FAAH2: variants seen among roughly 807,000 people sequenced by gnomAD.
FAAH2 encodes the protein fatty acid amide hydrolase 2, also known as fatty-acid amide hydrolase 2.
Under a neutral mutation model 36.9 loss-of-function variants are expected in FAAH2, and 60 were observed. The ratio of observed to expected loss-of-function variants is 1.63; its 90% CI spans 1.32 to 2.02. The LOEUF is 2.02. Among genes scored for constraint, FAAH2 ranks in the 30% most tolerant of loss-of-function variants. The pLI is 0.00. For missense variants in FAAH2, 689 were observed against 397.5 expected, an observed-to-expected ratio of 1.73 and a Z score of -6.23; for synonymous variants, 214 against 143.8, an observed-to-expected ratio of 1.49 and a Z score of -3.49.
chrX:57,185,537 T>C, the FAAH2 span, among the ~76,000 whole-genome samples: 10 of 109,045 alleles, frequency 9.2e-5, no homozygotes, highest in Non-Finnish European at 1.9e-5. Context: ...CGTGTGTGCG[T>C]GTATGTGTGT....
intron 1 of FAAH2, 127 bp downstream of exon 1, chrX:57,287,144 T>G (rs1448845158): frequency 1.4e-6 from 1 of 692,961 alleles, no homozygotes; most frequent in African/African-American, 2.3e-5. Flanking sequence ...AGGCATTTAT[T>G]GGGGATGAAG....
rs151081387 is a variant in FAAH2 at position 57,376,383 on chromosome X, C to T, written c.743-2268C>T. Among the ~76,000 whole-genome samples, 952 of 111,242 alleles carry T rather than the reference C, an allele frequency of 8.6e-3. 8 individuals are homozygous for T. The highest frequency in any genetic ancestry group is 0.019 in the Middle Eastern group (4 of 214). On this transcript the variant is annotated intron_variant, in intron 5 of 10. Transcript: ENST00000374900. ...TATTTCTCCTAATGCTATCCCTCCC[C>T]TAGCCCTTCACCCTCTGACAGGCCC...
the FAAH2 span, among the ~76,000 whole-genome samples, chrX:57,152,491 C>G: frequency 1.8e-5 from 2 of 112,508 alleles, no homozygotes; most frequent in Non-Finnish European, 3.8e-5. Context: ...CCCCCAGCCT[C>G]GCTGCTGCCT....
chrX:57,207,609 C>T, the FAAH2 span, among the ~76,000 whole-genome samples: 1 of 112,400 alleles, frequency 8.9e-6, no homozygotes, highest in Non-Finnish European at 1.9e-5. Context: ...AGGAGTTGTG[C>T]TATATGCTCT....
At chrX:57,348,895 C>T in intron 5 of FAAH2, among the ~76,000 whole-genome samples, 1 of 105,987 alleles carries the variant, frequency 9.4e-6, no homozygotes, top group Middle Eastern at 4.9e-3. Flanking sequence ...ATATGACACC[C>T]CTAAAGGAAC....
At chrX:57,272,632 C>T in the FAAH2 span, among the ~76,000 whole-genome samples, 7 of 111,817 alleles carry the variant, frequency 6.3e-5, no homozygotes, top group Non-Finnish European at 9.4e-5. Context: ...ATTTTCAAAC[C>T]AGAATTTCAT....
chrX:57,227,071 TG>T, the FAAH2 span, among the ~76,000 whole-genome samples: 1 of 111,763 alleles, frequency 8.9e-6, no homozygotes, highest in Non-Finnish European at 1.9e-5. Flanking sequence ...TATTATTTTT[TG>T]GACTTACTTG....
chrX:57,193,780 A>G, the FAAH2 span, among the ~76,000 whole-genome samples: 2 of 112,084 alleles, frequency 1.8e-5, no homozygotes, highest in East Asian at 5.6e-4. Context: ...ATCAATTGAA[A>G]CAGACATAGT....
intron 10 of FAAH2, among the ~76,000 whole-genome samples, chrX:57,454,910 G>A (rs1444866015): frequency 9.0e-6 from 1 of 111,169 alleles, no homozygotes; most frequent in African/African-American, 3.3e-5. Flanking sequence ...TTCCCCAAAC[G>A]TCCCAGGGAG....
At chrX:57,299,132 C>T (rs2052246008) in intron 2 of FAAH2, among the ~76,000 whole-genome samples, 1 of 111,377 alleles carries the variant, frequency 9.0e-6, no homozygotes, top group African/African-American at 3.3e-5. Context: ...GCTACCAAAG[C>T]CTGACAGAGA....
chrX:57,268,727 A>G, the FAAH2 span, among the ~76,000 whole-genome samples: 1 of 111,667 alleles, frequency 9.0e-6, no homozygotes, highest in Non-Finnish European at 1.9e-5. Context: ...ATTCCAACTC[A>G]GAATTTCTTT....
chrX:57,341,251 G>T lies in FAAH2; in HGVS notation c.623-20G>T. ...AGTATATTAGATTATTTATTTGCAA[G>T]TATTTTGTGTTTCTTGTAGGTGGTG... On this transcript the variant is annotated intron_variant, in intron 4 of 10. Coordinates refer to ENST00000374900, the MANE Select transcript of FAAH2 (RefSeq NM_174912.4). The T allele has an allele frequency of 8.4e-7, 1 of 1,187,414 alleles. No homozygotes were observed. The highest frequency in any genetic ancestry group is 1.1e-6 in the Non-Finnish European group (1 of 884,750).
chrX:57,431,771 G>GTTTTTTGT (rs2056302161), intron 7 of FAAH2, 147 bp from the exon 8 acceptor site: 1 of 202,012 alleles, frequency 5.0e-6, no homozygotes, highest in African/African-American at 5.0e-5. Context: ...TTGTTTTTTT[G>GTTTTTTGT]TTTTTTTGTT....
At chrX:57,274,932 G>T in the FAAH2 span, among the ~76,000 whole-genome samples, 1 of 111,880 alleles carries the variant, frequency 8.9e-6, no homozygotes, top group African/African-American at 3.2e-5. Context: ...AAGCAATAAA[G>T]TGTATTCAGA....
intron 4 of FAAH2, among the ~76,000 whole-genome samples, chrX:57,337,057 G>A (rs1305816058): frequency 9.1e-6 from 1 of 110,256 alleles, no homozygotes; most frequent in East Asian, 2.8e-4. Flanking sequence ...GGAATGATAA[G>A]GGGTTATTAC....
chrX:57,247,555 T>C, the FAAH2 span, among the ~76,000 whole-genome samples: 1 of 111,667 alleles, frequency 9.0e-6, no homozygotes, highest in East Asian at 2.8e-4. Flanking sequence ...ACTTTAACTA[T>C]ATAAGGCCAT....
chrX:57,231,390 T>G, the FAAH2 span, among the ~76,000 whole-genome samples: 9 of 111,223 alleles, frequency 8.1e-5, no homozygotes, highest in Non-Finnish European at 1.5e-4. Flanking sequence ...GAAAAATAGG[T>G]TCCATGTTCT....
At chrX:57,430,844 A>G (rs1433334672) in intron 7 of FAAH2, among the ~76,000 whole-genome samples, 3 of 111,970 alleles carry the variant, frequency 2.7e-5, no homozygotes, top group African/African-American at 9.7e-5. Flanking sequence ...GGGTTCCCAC[A>G]AAAATTTATT....
chrX:57,170,073 C>T, the FAAH2 span, among the ~76,000 whole-genome samples: 1 of 111,792 alleles, frequency 8.9e-6, no homozygotes, highest in Non-Finnish European at 1.9e-5. Context: ...TGGGCTCACC[C>T]AGTTCTTCCA....
Sources: allele counts gnomAD v4.1 joint callset (sites outside exome capture counted in the v4.1 genomes callset), GRCh38; gene constraint gnomAD v4.1.1; transcripts MANE v1.5; gene names NCBI Gene and HGNC (gene_info 2026-07-23, HGNC 2026-07-21).